Variants in MCEMP1 observed in about 807,000 individuals in gnomAD.
The protein encoded by MCEMP1 is mast cell expressed membrane protein 1.
In MCEMP1, 17 loss-of-function variants were observed where a neutral mutation model predicts 27.9. The observed-to-expected ratio is 0.61, with a 90% CI of 0.42 to 0.91. The LOEUF (loss-of-function observed/expected upper bound fraction) is 0.91, where lower values mean the gene tolerates loss of function less well. Ranked by LOEUF, MCEMP1 falls within the 40% of genes least tolerant of loss-of-function variation. MCEMP1 has a pLI of 0.00. For missense variants in MCEMP1, 200 were observed against 204.8 expected (o/e 0.98, Z 0.14); for synonymous variants, 88 against 76.9 (o/e 1.14, Z -0.76).
At position 7,679,328 on chromosome 19, in the gene MCEMP1, TCGTGTATGTG is replaced by T; in HGVS notation, c.*220_*229del. 1.6e-6 allele frequency: 1 copy of T among 613,522 alleles called. No homozygotes were observed. The highest frequency in any genetic ancestry group is 2.8e-6 in the Non-Finnish European group (1 of 353,334). 38.0% of individuals were successfully genotyped at this position (613,522 alleles called of 1,614,324 possible). On this transcript the variant is annotated 3_prime_UTR_variant, in exon 7 of 7. Coordinates refer to ENST00000333598, the MANE Select transcript of MCEMP1 (RefSeq NM_174918.3). This position sits in a 1 kb window ranked among gnomAD's most constrained non-coding sequence, Gnocchi z 4.9. The stretch of plus-strand genomic sequence containing the variant: ...TGTGTGTGCGTGTGTGCGCGTGTGT[TCGTGTATGTG>T]CGTGTGTGCGTGCGCGTGTGTGTGC...
In MCEMP1 at chr19:7,677,347, A is replaced by G. The variant is rs1026252677; in HGVS notation, c.55+172A>G. On this transcript the variant is annotated intron_variant, in intron 1 of 6. Transcript: ENST00000333598. This position sits in a 1 kb window ranked among gnomAD's most constrained non-coding sequence, Gnocchi z 4.6. ...CATAGGGAGACTCTGTCTGTAAAAAATAAAAATAAAAAAAGAAGGAGAGTT... is the reference window on the plus strand; with the variant it reads ...CATAGGGAGACTCTGTCTGTAAAAAGTAAAAATAAAAAAAGAAGGAGAGTT... Among the ~76,000 whole-genome samples, 2 of 150,814 alleles carry G rather than the reference A, an allele frequency of 1.3e-5. No individual in the cohort carries two copies. The highest frequency in any genetic ancestry group is 4.9e-5 in the African/African-American group (2 of 40,888).
At position 7,678,445 on chromosome 19, in the gene MCEMP1, T is replaced by A; in HGVS notation, c.334+45T>A. 1.2e-6 allele frequency: 2 copies of A among 1,612,652 alleles called. No individual in the cohort carries two copies. Among genetic ancestry groups the A allele is most frequent in the Non-Finnish European group, 1.7e-6 (2 of 1,179,544 alleles). On this transcript the variant is annotated intron_variant, in intron 4 of 6. Transcript: ENST00000333598. This position sits in a 1 kb window ranked among gnomAD's most constrained non-coding sequence, Gnocchi z 4.8. ...GAGACCCGTGGGGTCATGGTGGGGG[T>A]CTGGAGAGGGATGGATGCACAGACA...
rs1183701592 is a variant in MCEMP1 at position 7,678,461 on chromosome 19, T to C, written c.335-30T>C. 4.3e-6 allele frequency: 7 copies of C among 1,613,492 alleles called. No individual in the cohort carries two copies. The highest frequency in any genetic ancestry group is 3.3e-5 in the Admixed American group (2 of 59,960). On this transcript the variant is annotated intron_variant, in intron 4 of 6. Transcript: ENST00000333598. This position sits in a 1 kb window ranked among gnomAD's most constrained non-coding sequence, Gnocchi z 4.8. ...TGGTGGGGGTCTGGAGAGGGATGGA[T>C]GCACAGACACCCCTGTTTCATGCCC...
At position 7,677,726 on chromosome 19, in the gene MCEMP1, G is replaced by C; in HGVS notation, c.145G>C (p.Val49Leu). ...KGGHSRPTSQ[V>L]PAQCRPPSDS... ...TGGTCATTCACGACCCACGAGCCAA[G>C]GTGAGCAGACACCCACCTGCTCACA... The change falls in exon 2 of 7, where the codon GTC becomes CTC. Residue 49 changes from valine to leucine, a missense_variant and splice_region_variant. By Grantham distance (32) the Val-to-Leu change is conservative. Transcript: ENST00000333598. The surrounding 1 kb of genome is among the most constrained non-coding windows in gnomAD (Gnocchi z 4.6). The C allele has an allele frequency of 6.2e-7, 1 of 1,601,948 alleles. No homozygotes were observed.
Position 7,678,054 on chromosome 19 carries a change from G to A in MCEMP1, c.146-50G>A. 1 of 1,543,718 alleles carries A rather than the reference G, an allele frequency of 6.5e-7. No individual in the cohort carries two copies. The highest frequency in any genetic ancestry group is 8.7e-7 in the Non-Finnish European group (1 of 1,148,660). On this transcript the variant is annotated intron_variant, in intron 2 of 6. Transcript: ENST00000333598. This position sits in a 1 kb window ranked among gnomAD's most constrained non-coding sequence, Gnocchi z 4.8. ...GTGTTAGAGACAGTGAGGATGGTTT[G>A]AGTGGTGGTGCTGGCCCCTCAAGGT...
Position 7,677,141 on chromosome 19 carries a change from G to T in MCEMP1, c.21G>T (p.Arg7Ser). 6.3e-7 allele frequency: 1 copy of T among 1,598,530 alleles called. No homozygotes were observed. Among genetic ancestry groups the T allele is most frequent in the East Asian group, 2.3e-5 (1 of 44,014 alleles). Residue 7 changes from arginine to serine, a missense_variant, in exon 1 of 7, where the codon AGG (arginine) becomes AGT (serine). Physicochemically the swap from Arg to Ser is moderately radical, Grantham distance 110. Coordinates refer to ENST00000333598, the MANE Select transcript of MCEMP1 (RefSeq NM_174918.3). This position sits in a 1 kb window ranked among gnomAD's most constrained non-coding sequence, Gnocchi z 4.6. The stretch of plus-strand genomic sequence containing the variant: ...TCAAGATGCAAGCACCAGCCTTCAG[G>T]GACAAGAAACAGGGGGTCTCAGCCA... The part of the protein sequence containing the change: MQAPAF[R>S]DKKQGVSAKN...
In MCEMP1 at chr19:7,679,174, C is replaced by T. The variant is rs957840131; in HGVS notation, c.*60C>T. The stretch of plus-strand genomic sequence containing the variant: ...TGGAAGATGGGGCTGCACCTGCCAA[C>T]GAAGACGGGAAATGACCCCCCCCCC... On this transcript the variant is annotated 3_prime_UTR_variant, in exon 7 of 7. Transcript: ENST00000333598. The surrounding 1 kb of genome is among the most constrained non-coding windows in gnomAD (Gnocchi z 4.9). The T allele has an allele frequency of 1.0e-5, 15 of 1,442,970 alleles. No individual in the cohort carries two copies. In the Admixed American group the frequency reaches 2.3e-4, roughly 22 times the overall value. The allele number at this position is 1,442,970 out of a possible 1,614,324, so 89.4% of individuals were successfully genotyped here. A position where few individuals can be genotyped will look rare whatever the true frequency, so the allele number is the denominator to read the frequency against.
At position 7,678,455 on chromosome 19, in the gene MCEMP1, G is replaced by A. The variant is rs1257492998; in HGVS notation, c.335-36G>A. The A allele has an allele frequency of 6.2e-7, 1 of 1,613,596 alleles. No homozygotes were observed. The highest frequency in any genetic ancestry group is 8.5e-7 in the Non-Finnish European group (1 of 1,179,564). ...GGGTCATGGTGGGGGTCTGGAGAGG[G>A]ATGGATGCACAGACACCCCTGTTTC... On this transcript the variant is annotated intron_variant, in intron 4 of 6. Coordinates refer to ENST00000333598, the MANE Select transcript of MCEMP1 (RefSeq NM_174918.3). This position sits in a 1 kb window ranked among gnomAD's most constrained non-coding sequence, Gnocchi z 4.8.
Position 7,678,994 on chromosome 19 carries a change from G to T in MCEMP1, c.508+11G>T. ...TGCAGAAAATGCCACGTAAGTTGGCGCCCCGACAGGAGGTGGAGGAGGGTG... is the reference window on the plus strand; with the variant it reads ...TGCAGAAAATGCCACGTAAGTTGGCTCCCCGACAGGAGGTGGAGGAGGGTG... On this transcript the variant is annotated intron_variant, in intron 6 of 6. Transcript: ENST00000333598. The surrounding 1 kb of genome is among the most constrained non-coding windows in gnomAD (Gnocchi z 4.8). The T allele has an allele frequency of 6.3e-7, 1 of 1,597,844 alleles. No individual in the cohort carries two copies. Among genetic ancestry groups the T allele is most frequent in the African/African-American group, 1.3e-5 (1 of 74,712 alleles).
rs780286191 is a variant in MCEMP1 at position 7,678,278 on chromosome 19, A to G, written c.283+37A>G. 1.9e-6 allele frequency: 3 copies of G among 1,613,966 alleles called. No homozygotes were observed. ...TTGGGAGGAGGGTGCTGGGGGGCCT[A>G]GACTTTCTCCCTTGTCCTTCTCTCT... is the stretch of plus-strand genomic sequence containing the variant. On this transcript the variant is annotated intron_variant, in intron 3 of 6. Coordinates refer to ENST00000333598, the MANE Select transcript of MCEMP1 (RefSeq NM_174918.3). This position sits in a 1 kb window ranked among gnomAD's most constrained non-coding sequence, Gnocchi z 4.8.
chr19:7,679,146 A>G lies in MCEMP1; in HGVS notation c.*32A>G, dbSNP rs542211290. 3 of 1,573,692 alleles carry G rather than the reference A, an allele frequency of 1.9e-6. No individual in the cohort carries two copies. In the African/African-American group the frequency reaches 4.0e-5, roughly 21 times the overall value. The stretch of plus-strand genomic sequence containing the variant: ...GGACATTGTGGCAGCCAAAGCCACA[A>G]CTTGGAAGATGGGGCTGCACCTGCC... On this transcript the variant is annotated 3_prime_UTR_variant, in exon 7 of 7. Coordinates refer to ENST00000333598, the MANE Select transcript of MCEMP1 (RefSeq NM_174918.3). The surrounding 1 kb of genome is among the most constrained non-coding windows in gnomAD (Gnocchi z 4.9).
rs970528584 is a variant in MCEMP1, at chr19:7,678,797, T to C, written c.449-127T>C. 3.6e-4 allele frequency: 407 copies of C among 1,142,610 alleles called. 4 individuals carry two copies. In the Middle Eastern group the frequency reaches 6.1e-3, roughly 17 times the overall value. 70.8% of individuals were successfully genotyped at this position (1,142,610 alleles called of 1,614,324 possible). On this transcript the variant is annotated intron_variant, in intron 5 of 6. Coordinates refer to ENST00000333598, the MANE Select transcript of MCEMP1 (RefSeq NM_174918.3). The surrounding 1 kb of genome is among the most constrained non-coding windows in gnomAD (Gnocchi z 4.8). ...AAGGCTCCTGGGAACCCCAAATCCA[T>C]GGGCTCTGCTGTACCCCAGGGTGGG...
In MCEMP1 at chr19:7,677,758, C is replaced by A; in HGVS notation, c.145+32C>A. 2 of 1,545,432 alleles carry A rather than the reference C, an allele frequency of 1.3e-6. No individual in the cohort carries two copies. The highest frequency in any genetic ancestry group is 8.8e-7 in the Non-Finnish European group (1 of 1,138,908). On this transcript the variant is annotated intron_variant, in intron 2 of 6. Transcript: ENST00000333598. The surrounding 1 kb of genome is among the most constrained non-coding windows in gnomAD (Gnocchi z 4.6). ...AGACACCCACCTGCTCACATCCCAT[C>A]ACCTTGGGAAGGGGCAGGTGGGCGG...
Position 7,679,460 on chromosome 19 carries a change from A to T in MCEMP1, c.*346A>T. The T allele has an allele frequency of 3.3e-6, 1 of 300,298 alleles. No individual in the cohort carries two copies. The allele number at this position is 300,298 out of a possible 1,614,324, so 18.6% of individuals were successfully genotyped here. On this transcript the variant is annotated 3_prime_UTR_variant, in exon 7 of 7. Coordinates refer to ENST00000333598, the MANE Select transcript of MCEMP1 (RefSeq NM_174918.3). The surrounding 1 kb of genome is among the most constrained non-coding windows in gnomAD (Gnocchi z 4.9). Reference sequence around the variant, plus strand: ...TGAATGTGGCATGCATGCCTGTGTCATGTGACATATGTGAGTCTCGGCATG... The same window carrying T: ...TGAATGTGGCATGCATGCCTGTGTCTTGTGACATATGTGAGTCTCGGCATG...
In MCEMP1 at chr19:7,679,148, T is replaced by A; in HGVS notation, c.*34T>A. ...ACATTGTGGCAGCCAAAGCCACAAC[T>A]TGGAAGATGGGGCTGCACCTGCCAA... On this transcript the variant is annotated 3_prime_UTR_variant, in exon 7 of 7. Coordinates refer to ENST00000333598, the MANE Select transcript of MCEMP1 (RefSeq NM_174918.3). The surrounding 1 kb of genome is among the most constrained non-coding windows in gnomAD (Gnocchi z 4.9). 6.4e-7 allele frequency: 1 copy of A among 1,570,374 alleles called. No individual in the cohort carries two copies. Among genetic ancestry groups the A allele is most frequent in the African/African-American group, 1.4e-5 (1 of 73,954 alleles).
chr19:7,679,309 T>C lies in MCEMP1; in HGVS notation c.*195T>C, dbSNP rs2032595553. 3.0e-6 allele frequency: 2 copies of C among 668,524 alleles called. No homozygotes were observed. The highest frequency in any genetic ancestry group is 6.2e-5 in the Admixed American group (2 of 32,312). The allele number at this position is 668,524 out of a possible 1,614,324, so 41.4% of individuals were successfully genotyped here. A position where few individuals can be genotyped will look rare whatever the true frequency, so the allele number is the denominator to read the frequency against. ...GTGTGTACACCTGCGTGCGTGTGTG[T>C]GCGTGTGTGCGCGTGTGTTCGTGTA... is the stretch of plus-strand genomic sequence containing the variant. On this transcript the variant is annotated 3_prime_UTR_variant, in exon 7 of 7. Coordinates refer to ENST00000333598, the MANE Select transcript of MCEMP1 (RefSeq NM_174918.3). This position sits in a 1 kb window ranked among gnomAD's most constrained non-coding sequence, Gnocchi z 4.9.
rs1462845196 is a variant in MCEMP1 at position 7,678,150 on chromosome 19, C to T, written c.192C>T (p.Cys64=). The change falls in exon 3 of 7, where the codon TGC becomes TGT. Residue 64 remains cysteine, a synonymous_variant. Transcript: ENST00000333598. This position sits in a 1 kb window ranked among gnomAD's most constrained non-coding sequence, Gnocchi z 4.8. ...RPPSDSTQVP[C]WLYRAILSLY... is the part of the protein sequence containing the mutation. ...CCTCAGACTCCACCCAGGTCCCCTG[C>T]TGGTTGTACAGAGCCATCCTGAGCC... 3 of 1,613,804 alleles carry T rather than the reference C, an allele frequency of 1.9e-6. No homozygotes were observed. The South Asian group carries it at 3.3e-5, about 18-fold the overall frequency.
Position 7,677,559 on chromosome 19 carries a change from C to A in MCEMP1, c.56-78C>A. 7.3e-7 allele frequency: 1 copy of A among 1,362,700 alleles called. No homozygotes were observed. The highest frequency in any genetic ancestry group is 1.0e-6 in the Non-Finnish European group (1 of 952,458). 84.4% of individuals were successfully genotyped at this position (1,362,700 alleles called of 1,614,324 possible). ...TTCACCCCCTACAATTTATTGAGTG[C>A]AAAGGGTTGGGTAAAACAAGATCCC... On this transcript the variant is annotated intron_variant, in intron 1 of 6. Coordinates refer to ENST00000333598, the MANE Select transcript of MCEMP1 (RefSeq NM_174918.3). This position sits in a 1 kb window ranked among gnomAD's most constrained non-coding sequence, Gnocchi z 4.6.
chr19:7,678,915 G>GC lies in MCEMP1; in HGVS notation c.449-4dup. On this transcript the variant is annotated splice_polypyrimidine_tract_variant and intron_variant, in intron 5 of 6. Transcript: ENST00000333598. The surrounding 1 kb of genome is among the most constrained non-coding windows in gnomAD (Gnocchi z 4.8). The stretch of plus-strand genomic sequence containing the variant: ...TATCTGTTCCCACCCAACCCTCCCC[G>GC]CCCCCTAGGCATAAAAAACATTGAC... 5 of 762,240 alleles carry GC rather than the reference G, an allele frequency of 6.6e-6. No homozygotes were observed. In the East Asian group the frequency reaches 1.2e-4, roughly 19 times the overall value. 47.2% of individuals were successfully genotyped at this position (762,240 alleles called of 1,614,324 possible).
Sources: allele counts gnomAD v4.1 joint callset (sites outside exome capture counted in the v4.1 genomes callset), GRCh38; gene constraint gnomAD v4.1.1; non-coding constraint Gnocchi (gnomAD v3.1); transcripts MANE v1.5; gene names NCBI Gene and HGNC (gene_info 2026-07-23, HGNC 2026-07-21).